DNAH14: variants seen among roughly 807,000 people sequenced by gnomAD.
The protein encoded by DNAH14 is axonemal beta dynein heavy chain 14.
DNAH14 carries 478 observed loss-of-function variants against 520.9 expected under a neutral mutation model. The ratio of observed to expected loss-of-function variants is 0.92; its 90% CI spans 0.85 to 0.99. The LOEUF (loss-of-function observed/expected upper bound fraction) is 0.99, where lower values mean the gene tolerates loss of function less well. Ranked by LOEUF, DNAH14 falls within the 50% of genes least tolerant of loss-of-function variation. DNAH14 has a pLI of 0.00. For missense variants in DNAH14, 4,831 were observed against 5,234.5 expected (o/e 0.92, Z 2.38); for synonymous variants, 1,581 against 1,757.2 (o/e 0.90, Z 2.51).
At chr1:224,946,718 G>A (rs1203019801) in intron 1 of DNAH14, among the ~76,000 whole-genome samples, 1 of 151,836 alleles carries the variant, frequency 6.6e-6, no homozygotes, top group African/African-American at 2.4e-5. Flanking sequence ...AAATTGTTCA[G>A]TTTTCAAGTT....
intron 41 of DNAH14, among the ~76,000 whole-genome samples, chr1:225,220,264 G>T (rs909662672): frequency 1.3e-5 from 2 of 152,112 alleles, no homozygotes; most frequent in African/African-American, 4.8e-5. Context: ...AGAATGCCCA[G>T]TCTCACCACT....
intron 26 of DNAH14, among the ~76,000 whole-genome samples, chr1:225,121,486 A>C (rs2077279910): frequency 6.6e-6 from 1 of 152,206 alleles, no homozygotes; most frequent in Admixed American, 6.5e-5. Flanking sequence ...TTCTCCATAT[A>C]AATGAGATCA....
intron 46 of DNAH14, 133 bp from the exon 47 acceptor site, chr1:225,264,064 G>A: frequency 1.5e-6 from 1 of 665,812 alleles, no homozygotes; most frequent in East Asian, 2.8e-5. Flanking sequence ...TGAAAAGGTG[G>A]AAACAGAAAA....
At chr1:225,330,570 G>A (rs192516744) in intron 64 of DNAH14, among the ~76,000 whole-genome samples, 24 of 152,294 alleles carry the variant, frequency 1.6e-4, no homozygotes, top group African/African-American at 5.5e-4. Flanking sequence ...GACAAACATG[G>A]CATGTTCTCA....
At chr1:225,301,335 C>T (rs1390376243) in intron 56 of DNAH14, among the ~76,000 whole-genome samples, 1 of 152,040 alleles carries the variant, frequency 6.6e-6, no homozygotes, top group African/African-American at 2.4e-5. Context: ...GTATTTCTTA[C>T]ACAAAGATTC....
At chr1:225,280,989 C>T (rs1250728706) in intron 54 of DNAH14, among the ~76,000 whole-genome samples, 4 of 152,172 alleles carry the variant, frequency 2.6e-5, no homozygotes, top group Non-Finnish European at 5.9e-5. Flanking sequence ...GGGTGAAAGA[C>T]ACTGATGGTA....
rs188506649 is a variant in DNAH14 at position 225,131,236 on chromosome 1, G to A, written c.4254+7622G>A. 6.6e-3 allele frequency among the ~76,000 whole-genome samples: 1,008 copies of A among 152,134 alleles called. 22 individuals are homozygous for A. The highest frequency in any genetic ancestry group is 5.6e-3 in the Non-Finnish European group (383 of 67,998). On this transcript the variant is annotated intron_variant, in intron 27 of 85. Transcript: ENST00000682510. ...TTATTAAAAAGTTACTAAAAACTTG[G>A]TGCCTTAAAACAACACAGCTTTATT...
At chr1:225,004,434 G>A (rs565539244) in intron 9 of DNAH14, among the ~76,000 whole-genome samples, 1 of 152,180 alleles carries the variant, frequency 6.6e-6, no homozygotes, top group Non-Finnish European at 1.5e-5. Flanking sequence ...GCTAGGCTGT[G>A]CTGGATTTGA....
chr1:224,941,411 G>T (rs1381604190), intron 1 of DNAH14, among the ~76,000 whole-genome samples: 3 of 152,206 alleles, frequency 2.0e-5, no homozygotes, highest in Non-Finnish European at 4.4e-5. Flanking sequence ...TGTAGATTCT[G>T]GATATTAGCC....
intron 55 of DNAH14, among the ~76,000 whole-genome samples, chr1:225,290,810 G>A (rs1302805862): frequency 1.3e-5 from 2 of 150,778 alleles, no homozygotes; most frequent in Non-Finnish European, 3.0e-5. Context: ...TTCAATACAT[G>A]TAAGAGCAGA....
rs56658194 is a variant in DNAH14 at position 225,082,171 on chromosome 1, G to GGTGTGTGTGTGTGTGTGTGTGT, written c.3137-372_3137-351dup. On this transcript the variant is annotated intron_variant, in intron 19 of 85. Transcript: ENST00000682510. ...CTGTGACAGTCTTCTGAATGTTTGT[G>GGTGTGTGTGTGTGTGTGTGTGT]GTGTGTGTGTGTGTGTGTGTGTGTG... is the stretch of plus-strand genomic sequence containing the variant. 4.5e-3 allele frequency among the ~76,000 whole-genome samples: 661 copies of GGTGTGTGTGTGTGTGTGTGTGT among 145,316 alleles called. 3 individuals are homozygous for GGTGTGTGTGTGTGTGTGTGTGT. The highest frequency in any genetic ancestry group is 7.0e-3 in the Middle Eastern group (2 of 286).
intron 35 of DNAH14, among the ~76,000 whole-genome samples, chr1:225,165,897 ATTT>A (rs1264129322): frequency 1.3e-5 from 2 of 152,006 alleles, no homozygotes; most frequent in African/African-American, 2.4e-5. Flanking sequence ...ATATTTTTTT[ATTT>A]TAATGAAAAT....
chr1:225,339,293 A>G (rs1165621837), intron 68 of DNAH14, among the ~76,000 whole-genome samples: 1 of 152,182 alleles, frequency 6.6e-6, no homozygotes, highest in Non-Finnish European at 1.5e-5. Context: ...CCTGGGCGAC[A>G]AGAGTGAAAC....
At chr1:225,108,191 A>T (rs2076230126) in intron 23 of DNAH14, among the ~76,000 whole-genome samples, 2 of 152,138 alleles carry the variant, frequency 1.3e-5, no homozygotes, top group Non-Finnish European at 2.9e-5. Context: ...CTGCCCTTGA[A>T]CATCAGACTC....
At chr1:225,151,854 CT>C in intron 31 of DNAH14, 150 bp from the exon 32 acceptor site, 1 of 754,110 alleles carries the variant, frequency 1.3e-6, no homozygotes, top group Non-Finnish European at 2.3e-6. Flanking sequence ...CCTATTTCTT[CT>C]TTTTTCTCTC....
At position 225,204,199 on chromosome 1, in the gene DNAH14, C is replaced by A; in HGVS notation, c.5903C>A (p.Ser1968Tyr). ...SDLSNVFKLD[S>Y]SDTTETDDNI... ...ATATTTTAGGTTTTCAAACTTGATT[C>A]CTCTGATACAACAGAGACTGATGAT... Residue 1968 changes from serine to tyrosine, a missense_variant, in exon 39 of 86, where the codon TCC becomes TAC. Transcript: ENST00000682510. 6.8e-7 allele frequency: 1 copy of A among 1,461,984 alleles called. No homozygotes were observed. Among genetic ancestry groups the A allele is most frequent in the Non-Finnish European group, 9.0e-7 (1 of 1,113,894 alleles). 90.6% of individuals were successfully genotyped at this position (1,461,984 alleles called of 1,614,324 possible).
chr1:225,368,529 C>T (rs1285464598), intron 77 of DNAH14, among the ~76,000 whole-genome samples: 2 of 152,118 alleles, frequency 1.3e-5, no homozygotes, highest in East Asian at 1.9e-4. Flanking sequence ...TTACTATTCT[C>T]TATATAGAAC....
rs143186122 is a variant in DNAH14, at chr1:224,983,762, G to C, written c.830+9609G>C. ...TCTTCTGTACACCAGCAGTGACCAA[G>C]CAGAGAATCAAATCAAGAACTCAAC... On this transcript the variant is annotated intron_variant, in intron 8 of 85. Transcript: ENST00000682510. 7.1e-3 allele frequency among the ~76,000 whole-genome samples: 1,084 copies of C among 152,212 alleles called. 9 individuals are homozygous for C. Among genetic ancestry groups the C allele is most frequent in the African/African-American group, 0.024 (1,016 of 41,550 alleles).
intron 43 of DNAH14, among the ~76,000 whole-genome samples, chr1:225,247,227 G>A (rs6426059): frequency 0.11 from 16,827 of 151,880 alleles, 1,436 homozygotes; most frequent in East Asian, 0.24. Flanking sequence ...GGCCTGTTGC[G>A]GGGTGGGGGC....
Sources: allele counts gnomAD v4.1 joint callset (sites outside exome capture counted in the v4.1 genomes callset), GRCh38; gene constraint gnomAD v4.1.1; transcripts MANE v1.5; gene names NCBI Gene and HGNC (gene_info 2026-07-23, HGNC 2026-07-21).